Variants in RORB observed in about 807,000 individuals in gnomAD.
RORB encodes nuclear receptor ROR-beta.
Under a neutral mutation model 59.1 loss-of-function variants are expected in RORB, and 6 were observed. The ratio of observed to expected loss-of-function variants is 0.10; its 90% CI spans 0.06 to 0.20. The LOEUF (loss-of-function observed/expected upper bound fraction) is 0.20. RORB is among the 10% of genes least tolerant of loss of function. RORB has a pLI of 1.00. For synonymous variants in RORB, 215 were observed against 204.5 expected (o/e 1.05, Z -0.44); for missense variants, 320 against 560.5 (o/e 0.57, Z 4.33).
rs912404168 is a variant in RORB, at chr9:74,687,383, C to T, written c.*1765C>T. On this transcript the variant is annotated 3_prime_UTR_variant, in exon 10 of 10. Transcript: ENST00000376896. ...GGAAACTTTGATTTCTTTTTTTAAT[C>T]TCTTATGCTCTCCTGAAGTTCATGG... The T allele has an allele frequency of 6.6e-6, 1 of 151,860 alleles. No individual in the cohort carries two copies. Among genetic ancestry groups the T allele is most frequent in the Non-Finnish European group, 1.5e-5 (1 of 67,944 alleles). The allele number at this position is 151,860 out of a possible 1,614,324, so 9.4% of individuals were successfully genotyped here.
chr9:74,598,392 A>G (rs909197841), intron 1 of RORB, among the ~76,000 whole-genome samples: 2 of 152,206 alleles, frequency 1.3e-5, no homozygotes, highest in Non-Finnish European at 2.9e-5. Flanking sequence ...AGTTCAGAGA[A>G]AAAGAGCAAT....
chr9:74,677,824 A>C (rs1824471076), intron 9 of RORB, among the ~76,000 whole-genome samples: 1 of 152,258 alleles, frequency 6.6e-6, no homozygotes, highest in Admixed American at 6.5e-5. Flanking sequence ...ATATTGCAAA[A>C]GAAACATTCA....
At chr9:74,673,668 A>C (rs1824386216) in intron 9 of RORB, among the ~76,000 whole-genome samples, 1 of 152,210 alleles carries the variant, frequency 6.6e-6, no homozygotes, top group Non-Finnish European at 1.5e-5. Flanking sequence ...AAGAAAGAAA[A>C]TTATGTCAAC....
chr9:74,681,967 A>G (rs1228026412), intron 9 of RORB, among the ~76,000 whole-genome samples: 2 of 152,160 alleles, frequency 1.3e-5, no homozygotes, highest in Non-Finnish European at 2.9e-5. Flanking sequence ...CTTTTGGTTA[A>G]TGACTCCACT....
chr9:74,592,497 G>A (rs746738243), intron 1 of RORB, among the ~76,000 whole-genome samples: 22 of 152,226 alleles, frequency 1.4e-4, no homozygotes, highest in South Asian at 2.1e-4. Context: ...CCATTGCCTC[G>A]AAATAGTTGA....
At chr9:74,585,156 G>A (rs1250420527) in intron 1 of RORB, among the ~76,000 whole-genome samples, 1 of 152,180 alleles carries the variant, frequency 6.6e-6, no homozygotes, top group Non-Finnish European at 1.5e-5. Flanking sequence ...TTTTTCAAAT[G>A]TGATGTTTTA....
intron 8 of RORB, among the ~76,000 whole-genome samples, chr9:74,668,767 T>C (rs2118536191): frequency 6.6e-6 from 1 of 152,068 alleles, no homozygotes; most frequent in Non-Finnish European, 1.5e-5. Flanking sequence ...AAGAGGAGGG[T>C]TTGGTCTCGC....
chr9:74,586,041 G>A (rs961248134), intron 1 of RORB, among the ~76,000 whole-genome samples: 11 of 151,914 alleles, frequency 7.2e-5, no homozygotes, highest in African/African-American at 2.4e-4. Flanking sequence ...TGATCCGCCC[G>A]CCTCGACCTC....
intron 4 of RORB, among the ~76,000 whole-genome samples, chr9:74,654,559 A>AAGAT (rs1824050362): frequency 6.6e-6 from 1 of 152,170 alleles, no homozygotes; most frequent in African/African-American, 2.4e-5. Context: ...ATCAAAAGTA[A>AAGAT]AGATTACCCT....
intron 1 of RORB, among the ~76,000 whole-genome samples, chr9:74,535,069 A>T (rs1252538089): frequency 3.9e-5 from 6 of 152,108 alleles, no homozygotes; most frequent in Non-Finnish European, 7.4e-5. Flanking sequence ...CAAGACTGGC[A>T]ATTTGGAGCC....
chr9:74,631,467 A>G (rs932103277), intron 2 of RORB, among the ~76,000 whole-genome samples: 2 of 152,090 alleles, frequency 1.3e-5, no homozygotes, highest in Non-Finnish European at 1.5e-5. Context: ...GAGTCTTAAG[A>G]TCTAATCTTA....
intron 3 of RORB, among the ~76,000 whole-genome samples, chr9:74,635,099 T>A (rs564162237): frequency 2.0e-5 from 3 of 152,266 alleles, no homozygotes; most frequent in African/African-American, 7.2e-5. Context: ...CATGAGACTT[T>A]CAGAGATAAT....
rs189368032 is a variant in RORB at position 74,627,032 on chromosome 9, C to G, written c.8-3250C>G. Among the ~76,000 whole-genome samples the G allele has an allele frequency of 1.8e-4, 28 of 152,026 alleles. No homozygotes were observed. In the East Asian group the frequency reaches 5.2e-3, roughly 28 times the overall value. Reference sequence around the variant, plus strand: ...CAAAAATTAGCTGGGCATGGTGGCACACACCGGTAGTCCCAGCTGCTGGGG... The same window carrying G: ...CAAAAATTAGCTGGGCATGGTGGCAGACACCGGTAGTCCCAGCTGCTGGGG... On this transcript the variant is annotated intron_variant, in intron 1 of 9. Coordinates refer to ENST00000376896, the MANE Select transcript of RORB (RefSeq NM_006914.4).
intron 1 of RORB, among the ~76,000 whole-genome samples, chr9:74,629,632 C>T (rs1379529578): frequency 1.3e-5 from 2 of 152,006 alleles, no homozygotes; most frequent in African/African-American, 4.8e-5. Context: ...TATTTGGTAC[C>T]CTCATAATTT....
At chr9:74,613,068 A>G (rs1823256483) in intron 1 of RORB, among the ~76,000 whole-genome samples, 1 of 152,236 alleles carries the variant, frequency 6.6e-6, no homozygotes, top group African/African-American at 2.4e-5. Flanking sequence ...TTATGAATTA[A>G]TTAATAAATA....
At chr9:74,605,003 T>C (rs546149629) in intron 1 of RORB, among the ~76,000 whole-genome samples, 68 of 152,356 alleles carry the variant, frequency 4.5e-4, no homozygotes, top group Admixed American at 4.4e-3. Flanking sequence ...TGATAAAGTA[T>C]GGTAAGCCCC....
chr9:74,568,949 G>T (rs1822509876), intron 1 of RORB, among the ~76,000 whole-genome samples: 1 of 151,750 alleles, frequency 6.6e-6, no homozygotes, highest in Admixed American at 6.6e-5. Context: ...ACTCAAAAAA[G>T]CCCTTATTAG....
intron 1 of RORB, among the ~76,000 whole-genome samples, chr9:74,567,309 G>C (rs1170071019): frequency 6.6e-6 from 1 of 152,162 alleles, no homozygotes; most frequent in Non-Finnish European, 1.5e-5. Flanking sequence ...TTATGGGTGT[G>C]AGCCACCGCG....
At chr9:74,666,398 C>T (rs555975172) in intron 7 of RORB, among the ~76,000 whole-genome samples, 86 of 151,850 alleles carry the variant, frequency 5.7e-4, no homozygotes, top group African/African-American at 1.9e-3. Flanking sequence ...GAGATTGAGG[C>T]TACAGTGAGT....
Sources: gnomAD v4.1 joint callset for allele counts (sites outside exome capture counted in the v4.1 genomes callset) on GRCh38, gnomAD v4.1.1 for gene constraint, MANE v1.5 for transcripts, NCBI Gene and HGNC (gene_info 2026-07-23, HGNC 2026-07-21) for gene names.